Variants in HMSD observed in about 807,000 individuals in gnomAD.
HMSD encodes the protein histocompatibility minor serpin domain containing.
A neutral mutation model predicts 10.0 loss-of-function variants in HMSD; 13 were observed. The observed-to-expected ratio is 1.31, with a 90% CI of 0.85 to 2.08. The LOEUF (loss-of-function observed/expected upper bound fraction) is 2.08, where lower values mean the gene tolerates loss of function less well. Among genes scored for constraint, HMSD ranks in the 30% most tolerant of loss-of-function variants. HMSD has a pLI of 0.00. For synonymous variants in HMSD, 51 were observed against 54.2 expected (o/e 0.94, Z 0.26); for missense variants, 169 against 166.3 (o/e 1.02, Z -0.09).
intron 2 of HMSD, 112 bp from the exon 3 acceptor site, chr18:63,954,296 T>A: frequency 2.7e-6 from 2 of 753,440 alleles, no homozygotes; most frequent in Non-Finnish European, 4.3e-6. Context: ...GATCATCTTT[T>A]AAGCTGTAGT....
At chr18:63,963,052 TTCTTTCTTTCTTTTCTTTC>T (rs1200003869), downstream of HMSD, among the ~76,000 whole-genome samples, 57 of 129,364 alleles carry the variant, frequency 4.4e-4, 3 homozygotes, top group African/African-American at 2.0e-3. Flanking sequence ...GTAGTTTTCT[TTCTTTCTTTCTTTTCTTTC>T]TCTTTCTTTC....
In HMSD at chr18:63,951,925, T is replaced by G. The variant is rs867327241; in HGVS notation, c.-102-1429T>G. ...TTGGGAGTAGTGGGAAGACACTGGT[T>G]GATTTGTGTAACACCATGGAATACT... On this transcript the variant is annotated intron_variant, in intron 1 of 3. Transcript: ENST00000408945. Among the ~76,000 whole-genome samples, 10 of 152,008 alleles carry G rather than the reference T, an allele frequency of 6.6e-5. No homozygotes were observed. In the South Asian group the frequency reaches 1.0e-3, roughly 16 times the overall value.
intron 1 of HMSD, among the ~76,000 whole-genome samples, chr18:63,950,019 A>G (rs2050320809): frequency 6.6e-6 from 1 of 152,256 alleles, no homozygotes; most frequent in Admixed American, 6.5e-5. Flanking sequence ...GATTCCCAGT[A>G]GACAAGTTGT....
At chr18:63,963,343 T>G (rs1342816699), downstream of HMSD, among the ~76,000 whole-genome samples, 1 of 151,734 alleles carries the variant, frequency 6.6e-6, no homozygotes, top group Non-Finnish European at 1.5e-5. Context: ...CTCAGCTCAT[T>G]GCAACCTCCA....
Position 63,961,139 on chromosome 18 carries a change from G to A in HMSD, c.*784G>A, listed in dbSNP as rs756720874. The stretch of plus-strand genomic sequence containing the variant: ...CTTGTGGATAGTCCAGTCAAGTGGA[G>A]TAAGAGGTGGGAGTGGGGAGTGTAA... On this transcript the variant is annotated 3_prime_UTR_variant, in exon 4 of 4. Coordinates refer to ENST00000408945, the MANE Select transcript of HMSD (RefSeq NM_001123366.2). 6.6e-6 allele frequency: 1 copy of A among 151,894 alleles called. No individual in the cohort carries two copies. The highest frequency in any genetic ancestry group is 2.4e-5 in the African/African-American group (1 of 41,374). The allele number at this position is 151,894 out of a possible 1,614,324, so 9.4% of individuals were successfully genotyped here.
intron 1 of HMSD, among the ~76,000 whole-genome samples, chr18:63,952,825 T>G (rs2050338098): frequency 6.6e-6 from 1 of 152,204 alleles, no homozygotes; most frequent in Non-Finnish European, 1.5e-5. Flanking sequence ...CTTCCTCCAT[T>G]TATAAAAACA....
chr18:63,965,738 T>C (rs8088503), downstream of HMSD, among the ~76,000 whole-genome samples: 9,273 of 152,254 alleles, frequency 0.061, 365 homozygotes, highest in African/African-American at 0.09. Context: ...TGTTGCTATA[T>C]AGGAATACCT....
chr18:63,952,669 A>T (rs553368247), intron 1 of HMSD, among the ~76,000 whole-genome samples: 1 of 152,190 alleles, frequency 6.6e-6, no homozygotes, highest in Non-Finnish European at 1.5e-5. Flanking sequence ...AAAGTGCTTC[A>T]GTAGTCATCT....
In HMSD at chr18:63,961,437, G is replaced by A. The variant is rs942718318; in HGVS notation, c.*1082G>A. 1.1e-4 allele frequency: 16 copies of A among 152,274 alleles called. No individual in the cohort carries two copies. Among genetic ancestry groups the A allele is most frequent in the Admixed American group, 9.2e-4 (14 of 15,294 alleles). 9.4% of individuals were successfully genotyped at this position (152,274 alleles called of 1,614,324 possible). A position where few individuals can be genotyped will look rare whatever the true frequency, so the allele number is the denominator to read the frequency against. On this transcript the variant is annotated 3_prime_UTR_variant, in exon 4 of 4. Transcript: ENST00000408945. ...CACTATTTTATTTCTGTCTTGTAAA[G>A]CCTGAAAGCTCATGTGCTGCCTTGA...
chr18:63,954,321 C>A, intron 2 of HMSD, 87 bp from the exon 3 acceptor site: 1 of 909,480 alleles, frequency 1.1e-6, no homozygotes, highest in Non-Finnish European at 1.7e-6. Flanking sequence ...ATCTGTAAAT[C>A]TCATATTGCT....
chr18:63,969,390 G>A (rs1358874794), intron 3 of HMSD: 1 of 152,192 alleles, frequency 6.6e-6, no homozygotes, highest in Non-Finnish European at 1.5e-5. Context: ...AATTGTTTAG[G>A]AGAGACATGA....
At chr18:63,953,898 G>T (rs1344411851) in intron 2 of HMSD, among the ~76,000 whole-genome samples, 1 of 152,188 alleles carries the variant, frequency 6.6e-6, no homozygotes, top group Non-Finnish European at 1.5e-5. Context: ...CGGTAGCTGG[G>T]TTACAAGAGA....
chr18:63,954,554 C>T lies in HMSD; in HGVS notation c.219C>T (p.Leu73=), dbSNP rs529735281. The T allele has an allele frequency of 9.9e-6, 16 of 1,608,134 alleles. No individual in the cohort carries two copies. Among genetic ancestry groups the T allele is most frequent in the Non-Finnish European group, 1.3e-5 (15 of 1,176,236 alleles). ...GLFGEKSYDF[L]TGFTDSCGKF... ...TTGGAGAAAAGTCTTATGATTTCCTCACAGTAAGTCATACTTGTTTATTAG... is the reference window on the plus strand; with the variant it reads ...TTGGAGAAAAGTCTTATGATTTCCTTACAGTAAGTCATACTTGTTTATTAG... The change falls in exon 3 of 4, where the codon CTC becomes CTT. Residue 73 remains leucine (L), a synonymous_variant. Coordinates refer to ENST00000408945, the MANE Select transcript of HMSD (RefSeq NM_001123366.2).
At chr18:63,955,719 C>T (rs1240771364) in intron 3 of HMSD, among the ~76,000 whole-genome samples, 1 of 152,112 alleles carries the variant, frequency 6.6e-6, no homozygotes, top group Non-Finnish European at 1.5e-5. Flanking sequence ...GAACACTGAC[C>T]CTGAAAGCCG....
chr18:63,952,574 T>A (rs1388125517), intron 1 of HMSD, among the ~76,000 whole-genome samples: 1 of 152,254 alleles, frequency 6.6e-6, no homozygotes, highest in Non-Finnish European at 1.5e-5. Context: ...ATTTTTAATA[T>A]CTCCATTTAT....
rs527370738 is a variant in HMSD, at chr18:63,961,375, A to T, written c.*1020A>T. The T allele has an allele frequency of 6.6e-6, 1 of 152,278 alleles. No homozygotes were observed. The highest frequency in any genetic ancestry group is 2.1e-4 in the South Asian group (1 of 4,826). 9.4% of individuals were successfully genotyped at this position (152,278 alleles called of 1,614,324 possible). On this transcript the variant is annotated 3_prime_UTR_variant, in exon 4 of 4. Coordinates refer to ENST00000408945, the MANE Select transcript of HMSD (RefSeq NM_001123366.2). ...TATTGTTCCTAGAGGGTCTTGTGAA[A>T]TTTTGTTTGTCATATTCTCTTTGAA...
chr18:63,960,804 C>T lies in HMSD; in HGVS notation c.*449C>T, dbSNP rs1365521469. ...ACCCATATTTTCTTTCCATAACTGG[C>T]CAACTTTTCCCTTTGTACCAAAGCC... On this transcript the variant is annotated 3_prime_UTR_variant, in exon 4 of 4. Coordinates refer to ENST00000408945, the MANE Select transcript of HMSD (RefSeq NM_001123366.2). 1 of 158,304 alleles carries T rather than the reference C, an allele frequency of 6.3e-6. No homozygotes were observed. The highest frequency in any genetic ancestry group is 6.4e-5 in the Admixed American group (1 of 15,640). 9.8% of individuals were successfully genotyped at this position (158,304 alleles called of 1,614,324 possible).
chr18:63,956,526 G>C (rs1599109874), intron 3 of HMSD, among the ~76,000 whole-genome samples: 1 of 152,070 alleles, frequency 6.6e-6, no homozygotes, highest in Non-Finnish European at 1.5e-5. Context: ...TCAAAACCAT[G>C]ATGAGATACC....
rs757524204 is a variant in HMSD at position 63,953,531 on chromosome 18, C to T, written c.72+4C>T. ...CACTGCAGCTCAGATGTCTCAGGTA[C>T]GTAAAGCCACTTCAAGACAACAATA... On this transcript the variant is annotated splice_donor_region_variant and intron_variant, in intron 2 of 3. Transcript: ENST00000408945. 2.4e-5 allele frequency: 38 copies of T among 1,611,028 alleles called. No homozygotes were observed. The highest frequency in any genetic ancestry group is 3.0e-5 in the Non-Finnish European group (35 of 1,177,368).
Sources: gnomAD v4.1 joint callset for allele counts (sites outside exome capture counted in the v4.1 genomes callset) on GRCh38, gnomAD v4.1.1 for gene constraint, MANE v1.5 for transcripts, NCBI Gene and HGNC (gene_info 2026-07-23, HGNC 2026-07-21) for gene names.